Variants in TNXB observed in about 807,000 individuals in gnomAD.
TNXB encodes the protein tenascin XB, also known as tenascin-X.
In TNXB, 183 loss-of-function variants were observed where a neutral mutation model predicts 340.5. The observed-to-expected ratio is 0.54, with a 90% confidence interval of 0.48 to 0.61. TNXB has a LOEUF of 0.61. Among genes scored for constraint, TNXB ranks in the 20% least tolerant of loss-of-function variants. TNXB has a pLI of 0.00. For synonymous variants in TNXB, 2,121 were observed against 2,314.5 expected, an observed-to-expected ratio of 0.92 and a Z score of 2.40; for missense variants, 4,613 against 5,446.4, an observed-to-expected ratio of 0.85 and a Z score of 4.82.
chr6:32,079,303 A>C lies in TNXB; in HGVS notation c.4105T>G (p.Ser1369Ala), dbSNP rs759438362. The C allele has an allele frequency of 3.7e-6, 6 of 1,612,018 alleles. No individual in the cohort carries two copies. The highest frequency in any genetic ancestry group is 1.3e-5 in the African/African-American group (1 of 74,640). ...PTELGTEAPE[S>A]PEEPLLGELT... is the part of the protein sequence containing the mutation. ...TCCCCCAGGAGCGGCTCCTCGGGGG[A>C]CTCCGGGGCCTCCGTGCCCAGTTCT... Residue 1369 changes from serine (S) to alanine (A), a missense_variant, in exon 11 of 44, where the codon TCC becomes GCC. By Grantham distance (99) the Ser-to-Ala change is moderately conservative (BLOSUM62 1). Around this residue, in one of 7 missense-constraint regions of TNXB, gnomAD observed 4,327 missense variants for 4,859.4 expected, o/e 0.89. Transcript: ENST00000644971. This position sits in a 1 kb window ranked among gnomAD's most constrained non-coding sequence, Gnocchi z 7.1.
chr6:32,047,882 C>T lies in TNXB; in HGVS notation c.10176G>A (p.Lys3392=), dbSNP rs1776995784. 5 of 1,612,428 alleles carry T rather than the reference C, an allele frequency of 3.1e-6. No individual in the cohort carries two copies. In the South Asian group the frequency reaches 3.3e-5, roughly 11 times the overall value. ...CCGGCACCACCTGGAGCCGACCATC[C>T]TTATCCTTGTACTGGACCACGAAGG... ...FDSFVVQYKD[K]DGRLQVVPVA... Residue 3392 remains lysine, a synonymous_variant, in exon 30 of 44, where the codon AAG becomes AAA. Coordinates refer to ENST00000644971, the MANE Select transcript of TNXB (RefSeq NM_001365276.2). This position sits in a 1 kb window ranked among gnomAD's most constrained non-coding sequence, Gnocchi z 6.2.
Position 32,084,786 on chromosome 6 carries a change from C to G in TNXB, c.3149-77G>C. The G allele has an allele frequency of 7.5e-7, 1 of 1,334,944 alleles. No individual in the cohort carries two copies. The highest frequency in any genetic ancestry group is 1.0e-6 in the Non-Finnish European group (1 of 998,560). The allele number at this position is 1,334,944 out of a possible 1,614,324, so 82.7% of individuals were successfully genotyped here. On this transcript the variant is annotated intron_variant, in intron 7 of 43. Transcript: ENST00000644971. This position sits in a 1 kb window ranked among gnomAD's most constrained non-coding sequence, Gnocchi z 5.5. ...TCTGTGTCTCCTTCCCTCTCCCCTG[C>G]CCACCTCACTCCATCCTGGATAGAT...
intron 11 of TNXB, among the ~76,000 whole-genome samples, chr6:32,076,342 GGCA>G (rs1779079593): frequency 6.6e-6 from 1 of 152,082 alleles, no homozygotes; most frequent in African/African-American, 2.4e-5. Context: ...CTCTCCCCCT[GGCA>G]ACTGCACTGT....
intron 35 of TNXB, 58 bp downstream of exon 35, chr6:32,043,691 C>T: frequency 6.2e-7 from 1 of 1,612,764 alleles, no homozygotes. Flanking sequence ...TCTCTCAACT[C>T]CCACCCATGC....
intron 21 of TNXB, among the ~76,000 whole-genome samples, chr6:32,059,214 T>A (rs1369460987): frequency 6.6e-6 from 1 of 151,210 alleles, no homozygotes; most frequent in Non-Finnish European, 1.5e-5. Flanking sequence ...AGGTTGGGAA[T>A]TCGAGTCTAG....
chr6:32,056,271 G>A (rs1777636566), intron 23 of TNXB, 97 bp from the exon 24 acceptor site: 1 of 1,412,886 alleles, frequency 7.1e-7, no homozygotes, highest in Non-Finnish European at 9.5e-7. Flanking sequence ...TACTGGGTAT[G>A]TGAGGTCATT....
At position 32,053,565 on chromosome 6, in the gene TNXB, C is replaced by G; in HGVS notation, c.8614G>C (p.Asp2872His). Residue 2872 changes from aspartate (D) to histidine (H), a missense_variant, in exon 25 of 44, where the codon GAC becomes CAC. By Grantham distance (81) the Asp-to-His change is moderately conservative. Transcript: ENST00000644971. ...LSWMVPEGQF[D>H]HFLVQYRNGD... is the part of the protein sequence containing the mutation. ...TTCCTGTACTGGACCAGGAAGTGGT[C>G]AAACTGGCCCTCGGGGACCATCCAG... The G allele has an allele frequency of 6.2e-7, 1 of 1,613,712 alleles. No homozygotes were observed. Among genetic ancestry groups the G allele is most frequent in the East Asian group, 2.2e-5 (1 of 44,872 alleles).
At chr6:32,053,339 G>A in intron 25 of TNXB, 49 bp downstream of exon 25, 1 of 1,585,520 alleles carries the variant, frequency 6.3e-7, no homozygotes, top group Non-Finnish European at 8.6e-7. Context: ...ACCAGAGAAA[G>A]GGAGACCCTC....
rs188373229 is a variant in TNXB at position 32,090,932 on chromosome 6, T to C, written c.2359-1553A>G. Among the ~76,000 whole-genome samples, 19 of 152,310 alleles carry C rather than the reference T, an allele frequency of 1.2e-4. No individual in the cohort carries two copies. The highest frequency in any genetic ancestry group is 4.6e-4 in the African/African-American group (19 of 41,554). On this transcript the variant is annotated intron_variant, in intron 4 of 43. Transcript: ENST00000644971. This position sits in a 1 kb window ranked among gnomAD's most constrained non-coding sequence, Gnocchi z 4.3. ...ACACACCTTGGATGCTCCCTGATGA[T>C]GTCTGGTTCTTTCAGTGAGGCAAGC...
rs1406132603 is a variant in TNXB at position 32,073,256 on chromosome 6, C to T, written c.4681+391G>A. On this transcript the variant is annotated intron_variant, in intron 12 of 43. Transcript: ENST00000644971. The surrounding 1 kb of genome is among the most constrained non-coding windows in gnomAD (Gnocchi z 4.6). ...GGGACTCAGGATGTAAAGCACTTCG[C>T]CTCAACAAAAAAGGGCAGAAGCAGG... 1.3e-5 allele frequency among the ~76,000 whole-genome samples: 2 copies of T among 151,990 alleles called. No homozygotes were observed. Among genetic ancestry groups the T allele is most frequent in the Admixed American group, 6.6e-5 (1 of 15,258 alleles).
At chr6:32,077,752 C>T (rs780447397) in intron 11 of TNXB, among the ~76,000 whole-genome samples, 38 of 152,306 alleles carry the variant, frequency 2.5e-4, no homozygotes, top group Non-Finnish European at 5.0e-4. Context: ...TGTGGCCGGG[C>T]GTGGTGGCTT....
rs968981994 is a variant in TNXB at position 32,056,786 on chromosome 6, C to T, written c.7943G>A (p.Trp2648Ter). ...GTCAAACTGGCCCTCGGGAACCGTC[C>T]AGGACAGGCTGAGGGAGTCAGGGGT... is the stretch of plus-strand genomic sequence containing the variant. ...DATPDSLSLS[W>*]TVPEGQFDHF... Residue 2648 changes from tryptophan to a stop codon, truncating the protein, a stop_gained, in exon 23 of 44, where the codon TGG (tryptophan) becomes TAG (stop). Transcript: ENST00000644971. LOFTEE classifies it high-confidence loss of function. 9 of 1,613,310 alleles carry T rather than the reference C, an allele frequency of 5.6e-6. No individual in the cohort carries two copies. Among genetic ancestry groups the T allele is most frequent in the Non-Finnish European group, 7.6e-6 (9 of 1,179,846 alleles).
chr6:32,060,186 G>A (rs1777922516), intron 21 of TNXB, among the ~76,000 whole-genome samples: 1 of 151,754 alleles, frequency 6.6e-6, no homozygotes, highest in African/African-American at 2.4e-5. Flanking sequence ...TACAAAATTA[G>A]CCAGATGTGG....
chr6:32,048,451 C>G lies in TNXB; in HGVS notation c.9957G>C (p.Gly3319=), dbSNP rs766440991. 1 of 1,587,994 alleles carries G rather than the reference C, an allele frequency of 6.3e-7. No individual in the cohort carries two copies. Among genetic ancestry groups the G allele is most frequent in the South Asian group, 1.1e-5 (1 of 87,928 alleles). Residue 3319 remains glycine (G), a synonymous_variant, in exon 29 of 44, where the codon GGG becomes GGC. Coordinates refer to ENST00000644971, the MANE Select transcript of TNXB (RefSeq NM_001365276.2). ...ACTTGTACTTGCGGGCCGGGTCCAG[C>G]CCCGAGACGGCGACCGCTCGGAGGT... The part of the protein sequence containing the change: ...SGDLRAVAVS[G]LDPARKYKFL...
Position 32,075,463 on chromosome 6 carries a change from C to T in TNXB, c.4376-1511G>A, listed in dbSNP as rs1779030900. Among the ~76,000 whole-genome samples the T allele has an allele frequency of 6.6e-6, 1 of 152,234 alleles. No homozygotes were observed. The highest frequency in any genetic ancestry group is 1.5e-5 in the Non-Finnish European group (1 of 68,044). On this transcript the variant is annotated intron_variant, in intron 11 of 43. Coordinates refer to ENST00000644971, the MANE Select transcript of TNXB (RefSeq NM_001365276.2). This position sits in a 1 kb window ranked among gnomAD's most constrained non-coding sequence, Gnocchi z 4.6. The stretch of plus-strand genomic sequence containing the variant: ...CTTCCTTCTGTCTGGGATGCTCTTT[C>T]CCCAAAGGCCTAGGTGGCTGTCCTC...
Position 32,070,456 on chromosome 6 carries a change from CT to C in TNXB, c.4991-43del, listed in dbSNP as rs757019494. 1 of 1,511,074 alleles carries C rather than the reference CT, an allele frequency of 6.6e-7. No individual in the cohort carries two copies. The highest frequency in any genetic ancestry group is 8.9e-7 in the Non-Finnish European group (1 of 1,126,406). The allele number at this position is 1,511,074 out of a possible 1,614,324, so 93.6% of individuals were successfully genotyped here. ...CTTGTGTTTATTTTTTCCAAAACGA[CT>C]CCTTGACTGCCTCCCTCTGGGGCTG... On this transcript the variant is annotated intron_variant, in intron 13 of 43. Coordinates refer to ENST00000644971, the MANE Select transcript of TNXB (RefSeq NM_001365276.2). This position sits in a 1 kb window ranked among gnomAD's most constrained non-coding sequence, Gnocchi z 6.0.
At chr6:32,071,920 A>G in intron 13 of TNXB, 70 bp downstream of exon 13, 1 of 1,353,746 alleles carries the variant, frequency 7.4e-7, no homozygotes, top group Non-Finnish European at 1.0e-6. Context: ...GGGAAGACTC[A>G]GCAGAGGGAG....
chr6:32,102,443 C>T (rs976143035), intron 1 of TNXB, among the ~76,000 whole-genome samples: 1 of 152,116 alleles, frequency 6.6e-6, no homozygotes, highest in African/African-American at 2.4e-5. Flanking sequence ...GAATACTATA[C>T]AGCAATAAAA....
At chr6:32,101,512 A>T (rs569037565) in intron 1 of TNXB, among the ~76,000 whole-genome samples, 85 of 150,762 alleles carry the variant, frequency 5.6e-4, no homozygotes, top group African/African-American at 2.1e-3. Context: ...GATGGTCTCG[A>T]TCTCCTGACC....
Sources: gnomAD v4.1 joint callset for allele counts (sites outside exome capture counted in the v4.1 genomes callset) on GRCh38, gnomAD v4.1.1 for gene constraint, gnomAD v4.1.1 regional missense constraint, Gnocchi (gnomAD v3.1) non-coding constraint, MANE v1.5 for transcripts, NCBI Gene and HGNC (gene_info 2026-07-23, HGNC 2026-07-21) for gene names.